LPAR5: variants seen among roughly 807,000 people sequenced by gnomAD.
The protein encoded by LPAR5 is G protein-coupled receptor 92.
For synonymous variants in LPAR5, 271 were observed against 261.6 expected, an observed-to-expected ratio of 1.04 and a Z score of -0.35; for missense variants, 544 against 521.8, an observed-to-expected ratio of 1.04 and a Z score of -0.41.
At position 6,619,972 on chromosome 12, in the gene LPAR5, C is replaced by T. The variant is rs1328657990; in HGVS notation, c.*158G>A. ...TTCCAGCAGCACTGCCTTCCCTGGG[C>T]CCTGGCTTCCACACTTTGTACTCTT... On this transcript the variant is annotated 3_prime_UTR_variant, in exon 2 of 2. Coordinates refer to ENST00000329858, the MANE Select transcript of LPAR5 (RefSeq NM_020400.6). The T allele has an allele frequency of 1.0e-6, 1 of 1,004,220 alleles. No homozygotes were observed. The highest frequency in any genetic ancestry group is 1.5e-6 in the Non-Finnish European group (1 of 650,534). The allele number at this position is 1,004,220 out of a possible 1,614,324, so 62.2% of individuals were successfully genotyped here. A position where few individuals can be genotyped will look rare whatever the true frequency, so the allele number is the denominator to read the frequency against.
At position 6,619,929 on chromosome 12, in the gene LPAR5, A is replaced by C; in HGVS notation, c.*201T>G. The C allele has an allele frequency of 1.3e-6, 1 of 769,550 alleles. No homozygotes were observed. Among genetic ancestry groups the C allele is most frequent in the East Asian group, 2.7e-5 (1 of 37,346 alleles). The allele number at this position is 769,550 out of a possible 1,614,324, so 47.7% of individuals were successfully genotyped here. ...TGGAGAAGGGGTGCTCTGCGTGCTC[A>C]CAGTTTAAAGAAGCCATTTCCAGCA... On this transcript the variant is annotated 3_prime_UTR_variant, in exon 2 of 2. Transcript: ENST00000329858.
At position 6,625,547 on chromosome 12, in the gene LPAR5, T is replaced by C. The variant is rs144457477; in HGVS notation, c.-216-4083A>G. ...CCATCCTGGCTAACATGGTGAAACCTCGTCTCTACTGAAAATACAAAAAAA... is the reference window on the plus strand; with the variant it reads ...CCATCCTGGCTAACATGGTGAAACCCCGTCTCTACTGAAAATACAAAAAAA... On this transcript the variant is annotated intron_variant, in intron 1 of 1. Transcript: ENST00000329858. Among the ~76,000 whole-genome samples the C allele has an allele frequency of 9.9e-3, 1,489 of 150,752 alleles. 16 individuals carry two copies. The highest frequency in any genetic ancestry group is 0.03 in the African/African-American group (1,227 of 40,988).
At chr12:6,627,263 G>A (rs1399831951) in intron 1 of LPAR5, among the ~76,000 whole-genome samples, 1 of 152,166 alleles carries the variant, frequency 6.6e-6, no homozygotes. Flanking sequence ...CTGCACTACA[G>A]TTTGGGCAAC....
At position 6,631,880 on chromosome 12, in the gene LPAR5, A is replaced by G. The variant is rs78332815; in HGVS notation, c.-217+4027T>C. Reference sequence around the variant, plus strand: ...GCAGGGGAATGCCTCCTCTTTGCCCAGTTCCTCCCCCATACCCTTCCTGTG... The same window carrying G: ...GCAGGGGAATGCCTCCTCTTTGCCCGGTTCCTCCCCCATACCCTTCCTGTG... On this transcript the variant is annotated intron_variant, in intron 1 of 1. Transcript: ENST00000329858. Among the ~76,000 whole-genome samples the G allele has an allele frequency of 9.6e-3, 1,458 of 152,228 alleles. 17 individuals carry two copies. The highest frequency in any genetic ancestry group is 0.033 in the African/African-American group (1,382 of 41,520).
At chr12:6,623,884 C>T (rs928160098) in intron 1 of LPAR5, among the ~76,000 whole-genome samples, 1 of 151,806 alleles carries the variant, frequency 6.6e-6, no homozygotes, top group African/African-American at 2.4e-5. Context: ...TCCTTGAACC[C>T]GGGAGGCGGA....
intron 1 of LPAR5, among the ~76,000 whole-genome samples, chr12:6,625,815 T>C (rs963344127): frequency 6.6e-6 from 1 of 151,972 alleles, no homozygotes; most frequent in Non-Finnish European, 1.5e-5. Flanking sequence ...TTTTTTGTTT[T>C]TTTTGAGACA....
chr12:6,630,433 C>CTTTTTTTTTTTTTTTTTTTT lies in LPAR5; in HGVS notation c.-217+5454_-217+5473dup, dbSNP rs34529805. On this transcript the variant is annotated intron_variant, in intron 1 of 1. Transcript: ENST00000329858. Reference sequence around the variant, plus strand: ...GAGTGAACCACTGCACCCAGCCCATCTTTTTTTTTTTTTTTTTTTTTTTTT... The same window carrying CTTTTTTTTTTTTTTTTTTTT: ...GAGTGAACCACTGCACCCAGCCCATCTTTTTTTTTTTTTTTTTTTTTTTTTTTTTTTTTTTTTTTTTTTTT... Among the ~76,000 whole-genome samples the CTTTTTTTTTTTTTTTTTTTT allele has an allele frequency of 2.9e-4, 12 of 41,826 alleles. 1 individual carries two copies. The highest frequency in any genetic ancestry group is 4.8e-4 in the Non-Finnish European group (11 of 22,928). 27.4% of individuals were successfully genotyped at this position (41,826 alleles called of 152,430 possible).
intron 1 of LPAR5, among the ~76,000 whole-genome samples, chr12:6,631,032 A>G (rs188559767): frequency 5.9e-4 from 90 of 152,322 alleles, no homozygotes; most frequent in African/African-American, 1.9e-3. Flanking sequence ...CTCTCCCCCA[A>G]TCCTGCCTTG....
intron 1 of LPAR5, among the ~76,000 whole-genome samples, chr12:6,635,622 G>A (rs984041010): frequency 6.6e-6 from 1 of 152,138 alleles, no homozygotes. Flanking sequence ...GGGCCTAGAG[G>A]GGGAGGGGGA....
At chr12:6,633,462 G>C (rs543413935) in intron 1 of LPAR5, among the ~76,000 whole-genome samples, 94 of 152,002 alleles carry the variant, frequency 6.2e-4, no homozygotes, top group African/African-American at 2.1e-3. Flanking sequence ...ACCTAGGCTG[G>C]AGTACAGTGG....
At chr12:6,631,175 G>C (rs1161723424) in intron 1 of LPAR5, among the ~76,000 whole-genome samples, 1 of 152,160 alleles carries the variant, frequency 6.6e-6, no homozygotes, top group Non-Finnish European at 1.5e-5. Flanking sequence ...ACTGATGTCA[G>C]GTAAGTATAC....
intron 1 of LPAR5, among the ~76,000 whole-genome samples, chr12:6,623,383 G>A (rs1948910499): frequency 6.6e-6 from 1 of 151,774 alleles, no homozygotes; most frequent in Admixed American, 6.6e-5. Context: ...AAAATACAAA[G>A]ATTAGCCGGG....
chr12:6,631,120 A>C (rs191798555), intron 1 of LPAR5, among the ~76,000 whole-genome samples: 2 of 152,344 alleles, frequency 1.3e-5, no homozygotes, highest in African/African-American at 4.8e-5. Context: ...AACACCAGGA[A>C]GGAGGGACAT....
intron 1 of LPAR5, among the ~76,000 whole-genome samples, chr12:6,632,889 CG>C (rs1367424867): frequency 6.6e-6 from 1 of 152,126 alleles, no homozygotes; most frequent in East Asian, 1.9e-4. Context: ...GCACGGATCC[CG>C]GGTGTCAGGT....
At chr12:6,628,443 TTTCCTTCC>T (rs368313069) in intron 1 of LPAR5, among the ~76,000 whole-genome samples, 51 of 151,876 alleles carry the variant, frequency 3.4e-4, no homozygotes, top group African/African-American at 1.2e-3. Context: ...TCTTTCTTTC[TTTCCTTCC>T]TTCCTTCCTT....
At chr12:6,625,941 C>A (rs1948936602) in intron 1 of LPAR5, among the ~76,000 whole-genome samples, 1 of 152,104 alleles carries the variant, frequency 6.6e-6, no homozygotes, top group South Asian at 2.1e-4. Context: ...GTTGGACCTA[C>A]AGGCGTGTGC....
chr12:6,627,046 A>G (rs1388276675), intron 1 of LPAR5, among the ~76,000 whole-genome samples: 1 of 152,210 alleles, frequency 6.6e-6, no homozygotes, highest in Admixed American at 6.5e-5. Context: ...TTTAATTTCT[A>G]TACATAATAT....
rs1948863637 is a variant in LPAR5, at chr12:6,619,144, G to A, written c.*986C>T. 6.6e-6 allele frequency: 1 copy of A among 152,220 alleles called. No homozygotes were observed. The highest frequency in any genetic ancestry group is 2.4e-5 in the African/African-American group (1 of 41,450). The allele number at this position is 152,220 out of a possible 1,614,324, so 9.4% of individuals were successfully genotyped here. A position where few individuals can be genotyped will look rare whatever the true frequency, so the allele number is the denominator to read the frequency against. Reference sequence around the variant, plus strand: ...ATTGCTCCCATGGCTAATGTAATGTGTGCATGTGTATTTATTTTAAAAATG... The same window carrying A: ...ATTGCTCCCATGGCTAATGTAATGTATGCATGTGTATTTATTTTAAAAATG... On this transcript the variant is annotated 3_prime_UTR_variant, in exon 2 of 2. Coordinates refer to ENST00000329858, the MANE Select transcript of LPAR5 (RefSeq NM_020400.6).
rs113607073 is a variant in LPAR5 at position 6,634,404 on chromosome 12, C to T, written c.-217+1503G>A. Among the ~76,000 whole-genome samples, 967 of 150,650 alleles carry T rather than the reference C, an allele frequency of 6.4e-3. 5 individuals carry two copies. The highest frequency in any genetic ancestry group is 0.01 in the Non-Finnish European group (678 of 67,568). ...CAGAGGCGAATGGATCACTTTAGCGCGAGTTCAAGACCAGCCTGGGCAACA... is the reference window on the plus strand; with the variant it reads ...CAGAGGCGAATGGATCACTTTAGCGTGAGTTCAAGACCAGCCTGGGCAACA... On this transcript the variant is annotated intron_variant, in intron 1 of 1. Coordinates refer to ENST00000329858, the MANE Select transcript of LPAR5 (RefSeq NM_020400.6).
Sources: gnomAD v4.1 joint callset for allele counts (sites outside exome capture counted in the v4.1 genomes callset) on GRCh38, gnomAD v4.1.1 for gene constraint, MANE v1.5 for transcripts, NCBI Gene and HGNC (gene_info 2026-07-23, HGNC 2026-07-21) for gene names.